Variants in NEK5 observed in about 807,000 individuals in gnomAD.
NEK5 encodes the protein NIMA related kinase 5.
In NEK5, 88 loss-of-function variants were observed where a neutral mutation model predicts 109.2. The observed-to-expected ratio is 0.81, with a 90% confidence interval of 0.68 to 0.96. NEK5 has a LOEUF of 0.96. Ranked by LOEUF, NEK5 falls within the 40% of genes least tolerant of loss-of-function variation. The probability of loss-of-function intolerance (pLI) is 0.00; values close to 1 mark genes in which losing one functional copy is unlikely to be tolerated. For missense variants in NEK5, 834 were observed against 920.7 expected, an observed-to-expected ratio of 0.91 and a Z score of 1.22; for synonymous variants, 283 against 299.9, an observed-to-expected ratio of 0.94 and a Z score of 0.58.
Position 52,112,356 on chromosome 13 carries a change from C to T in NEK5, c.224G>A (p.Arg75Lys). 6.3e-7 allele frequency: 1 copy of T among 1,592,808 alleles called. No individual in the cohort carries two copies. Among genetic ancestry groups the T allele is most frequent in the Non-Finnish European group, 8.6e-7 (1 of 1,160,962 alleles). ...ACAATATTCCATTACAATAAACAGC[C>T]TGCCATTCTCTGTAAGAAAAGGAAT... ...AFFNSFQENG[R>K]LFIVMEYCDG... The change falls in exon 5 of 24, where the codon AGG becomes AAG. Residue 75 changes from arginine (R) to lysine (K), a missense_variant. Physicochemically the swap from Arg to Lys is conservative, Grantham distance 26 (BLOSUM62 2). Around this residue, in one of 2 missense-constraint regions of NEK5, gnomAD observed 777 missense variants for 824.7 expected, o/e 0.94. Transcript: ENST00000684899.
intron 17 of NEK5, among the ~76,000 whole-genome samples, chr13:52,078,476 T>C (rs1954908584): frequency 6.6e-6 from 1 of 152,200 alleles, no homozygotes; most frequent in Non-Finnish European, 1.5e-5. Context: ...AGGTGATGGA[T>C]ATGTTCACTA....
chr13:52,055,753 G>C (rs1290696738), intron 22 of NEK5, among the ~76,000 whole-genome samples: 2 of 152,176 alleles, frequency 1.3e-5, no homozygotes, highest in African/African-American at 4.8e-5. Flanking sequence ...AATGCTGAGA[G>C]ATTTTGTCAC....
chr13:52,116,220 T>C (rs1017379660), intron 4 of NEK5, among the ~76,000 whole-genome samples: 2 of 151,108 alleles, frequency 1.3e-5, no homozygotes, highest in African/African-American at 4.9e-5. Context: ...CTTACAGACA[T>C]TGGCATCTTC....
intron 22 of NEK5, among the ~76,000 whole-genome samples, chr13:52,059,737 AGGT>A (rs1271614579): frequency 1.4e-4 from 20 of 147,928 alleles, no homozygotes; most frequent in Non-Finnish European, 2.7e-4. Context: ...TCTCACTCAT[AGGT>A]GGGAATTGAA....
intron 17 of NEK5, 133 bp from the exon 18 acceptor site, chr13:52,076,276 AC>A: frequency 1.8e-6 from 1 of 547,966 alleles, no homozygotes; most frequent in Non-Finnish European, 3.2e-6. Context: ...TTAACTAAAA[AC>A]TTGGGCAGAG....
At chr13:52,098,237 G>T (rs1306659245) in intron 12 of NEK5, among the ~76,000 whole-genome samples, 1 of 151,194 alleles carries the variant, frequency 6.6e-6, no homozygotes, top group Non-Finnish European at 1.5e-5. Context: ...CCTCTAGCCT[G>T]GGTGACACAG....
At chr13:52,084,762 A>AGTGTGTGTGTGTGTGT (rs368429926) in intron 16 of NEK5, among the ~76,000 whole-genome samples, 5 of 47,436 alleles carry the variant, frequency 1.1e-4, no homozygotes, top group African/African-American at 2.9e-4. Context: ...AGAGAGAGAG[A>AGTGTGTGTGTGTGTGT]GTGTGTGTGT....
chr13:52,093,313 A>G (rs1955335746), intron 12 of NEK5, 78 bp from the exon 13 acceptor site: 1 of 1,064,446 alleles, frequency 9.4e-7, no homozygotes. Context: ...TAACCCTAGC[A>G]CTTTGGGAGG....
At chr13:52,101,835 G>T in intron 11 of NEK5, 98 bp downstream of exon 11, 1 of 990,938 alleles carries the variant, frequency 1.0e-6, no homozygotes, top group Non-Finnish European at 1.6e-6. Flanking sequence ...TTTTTAAAAT[G>T]TCCACTTTCA....
chr13:52,064,101 T>C (rs1385581185), intron 21 of NEK5, among the ~76,000 whole-genome samples: 27 of 90,476 alleles, frequency 3.0e-4, no homozygotes, highest in Admixed American at 8.7e-4. Context: ...AGGTGAGGGG[T>C]GCCTCTGCCC....
intron 13 of NEK5, among the ~76,000 whole-genome samples, chr13:52,090,587 GCACTCAT>G (rs1204656795): frequency 4.6e-5 from 7 of 152,170 alleles, no homozygotes. Flanking sequence ...GTAAATTGTA[GCACTCAT>G]CTGTCTCATA....
intron 22 of NEK5, among the ~76,000 whole-genome samples, chr13:52,059,848 A>G (rs563310970): frequency 2.8e-4 from 43 of 152,156 alleles, no homozygotes; most frequent in African/African-American, 9.9e-4. Context: ...AGATATACCT[A>G]ATGCTTGATG....
chr13:52,099,867 AT>A lies in NEK5; in HGVS notation c.901del (p.Ile301TyrfsTer4), dbSNP rs1395832610. 77 of 1,613,140 alleles carry A rather than the reference AT, an allele frequency of 4.8e-5. No individual in the cohort carries two copies. The highest frequency in any genetic ancestry group is 6.4e-5 in the Non-Finnish European group (76 of 1,179,492). The part of the protein sequence containing the change: ...HAGKVVQKCK[I>X]QKVRFQGKCP... ...CTTTCCCTGGAATCTCACTTTTTGT[AT>A]TTTACACTCTTAATTAACCAAAATA... On this transcript the variant is annotated frameshift_variant, in exon 12 of 24. Transcript: ENST00000684899. LOFTEE classifies it high-confidence loss of function.
At chr13:52,108,885 A>G (rs925778937) in intron 7 of NEK5, among the ~76,000 whole-genome samples, 6 of 152,096 alleles carry the variant, frequency 3.9e-5, no homozygotes, top group African/African-American at 1.4e-4. Context: ...TCAGAATTCC[A>G]TTTTCTTTGC....
At position 52,075,742 on chromosome 13, in the gene NEK5, A is replaced by G. The variant is rs1456306563; in HGVS notation, c.1722+16T>C. ...TTCTGATACCTACTAATGGAAATTT[A>G]GACTTAATGGCATACCTCTTCCTCT... On this transcript the variant is annotated intron_variant, in intron 19 of 23. Coordinates refer to ENST00000684899, the MANE Select transcript of NEK5 (RefSeq NM_001365552.1). The G allele has an allele frequency of 6.8e-7, 1 of 1,478,168 alleles. No individual in the cohort carries two copies. The highest frequency in any genetic ancestry group is 9.2e-7 in the Non-Finnish European group (1 of 1,081,482). The allele number at this position is 1,478,168 out of a possible 1,614,324, so 91.6% of individuals were successfully genotyped here.
intron 21 of NEK5, among the ~76,000 whole-genome samples, chr13:52,063,108 T>C (rs147308122): frequency 0.07 from 10,595 of 151,848 alleles, 516 homozygotes; most frequent in Non-Finnish European, 0.12. Context: ...TTCCACGGTC[T>C]CCCTCTGATG....
chr13:52,063,197 C>T (rs1020776643), intron 21 of NEK5, among the ~76,000 whole-genome samples: 24 of 152,298 alleles, frequency 1.6e-4, no homozygotes, highest in African/African-American at 4.3e-4. Context: ...CTCAGCCTGC[C>T]GAGTGCCCGT....
chr13:52,042,381 TATA>T (rs1399267234), intron 23 of NEK5, among the ~76,000 whole-genome samples: 3 of 150,204 alleles, frequency 2.0e-5, no homozygotes, highest in Admixed American at 6.7e-5. Context: ...TATTAATACA[TATA>T]ATAATATATA....
intron 12 of NEK5, 122 bp from the exon 13 acceptor site, chr13:52,093,357 C>A: frequency 1.6e-6 from 1 of 621,302 alleles, no homozygotes; most frequent in South Asian, 2.5e-5. Context: ...GTCAGGAGTT[C>A]AAGACCAGCC....
Sources: allele counts gnomAD v4.1 joint callset (sites outside exome capture counted in the v4.1 genomes callset), GRCh38; gene constraint gnomAD v4.1.1; regional missense constraint gnomAD v4.1.1; transcripts MANE v1.5; gene names NCBI Gene and HGNC (gene_info 2026-07-23, HGNC 2026-07-21).